SLCO3A1: variants seen among roughly 807,000 people sequenced by gnomAD.
The protein encoded by SLCO3A1 is PGE1 transporter.
SLCO3A1 carries 27 observed loss-of-function variants against 63.1 expected under a neutral mutation model. That is an observed-to-expected ratio of 0.43 (90% CI 0.32 to 0.59). The LOEUF is 0.59. Among genes scored for constraint, SLCO3A1 ranks in the 20% least tolerant of loss-of-function variants. SLCO3A1 has a pLI of 0.09. For missense variants in SLCO3A1, 773 were observed against 945.8 expected (o/e 0.82, Z 2.40); for synonymous variants, 473 against 409.9 (o/e 1.15, Z -1.86).
intron 2 of SLCO3A1, among the ~76,000 whole-genome samples, chr15:91,951,390 C>G (rs979403057): frequency 6.6e-6 from 1 of 152,136 alleles, no homozygotes. Flanking sequence ...ATTGGTAGTA[C>G]TGCATTCCTT....
intron 3 of SLCO3A1, among the ~76,000 whole-genome samples, chr15:92,103,848 G>A (rs2047634937): frequency 6.6e-6 from 1 of 152,136 alleles, no homozygotes; most frequent in Non-Finnish European, 1.5e-5. Context: ...AATTGAGGCA[G>A]TGAGTGGGGC....
chr15:91,991,321 A>G (rs2046123836), intron 2 of SLCO3A1, among the ~76,000 whole-genome samples: 2 of 152,324 alleles, frequency 1.3e-5, no homozygotes, highest in African/African-American at 4.8e-5. Flanking sequence ...TGATGGCACT[A>G]CTGCACTCTA....
At position 92,007,227 on chromosome 15, in the gene SLCO3A1, A is replaced by C. The variant is rs138991744; in HGVS notation, c.647-87654A>C. 9.5e-4 allele frequency among the ~76,000 whole-genome samples: 145 copies of C among 152,364 alleles called. 1 individual carries two copies. Among genetic ancestry groups the C allele is most frequent in the African/African-American group, 3.3e-3 (137 of 41,588 alleles). On this transcript the variant is annotated intron_variant, in intron 2 of 9. Transcript: ENST00000318445. ...ATAAGGAAGAGAGATTGTTCTCTTA[A>C]CACCTGTCTAGTTAATGTGGAACTT...
At chr15:92,078,154 A>G (rs1163510365) in intron 2 of SLCO3A1, among the ~76,000 whole-genome samples, 2 of 152,318 alleles carry the variant, frequency 1.3e-5, no homozygotes, top group South Asian at 2.1e-4. Context: ...GTGGAGCAGC[A>G]GAAACCGAGT....
chr15:91,898,499 T>C (rs1462966262), intron 1 of SLCO3A1, among the ~76,000 whole-genome samples: 1 of 152,228 alleles, frequency 6.6e-6, no homozygotes, highest in East Asian at 1.9e-4. Flanking sequence ...TCCAGAGCAA[T>C]TTGAGTCTCT....
intron 4 of SLCO3A1, among the ~76,000 whole-genome samples, chr15:92,109,286 T>C (rs895993598): frequency 6.6e-6 from 1 of 152,142 alleles, no homozygotes; most frequent in African/African-American, 2.4e-5. Context: ...ACCATGGCAT[T>C]ATGCTGCCAC....
chr15:91,931,641 T>C (rs1567191959), intron 2 of SLCO3A1, among the ~76,000 whole-genome samples: 1 of 152,046 alleles, frequency 6.6e-6, no homozygotes, highest in Non-Finnish European at 1.5e-5. Flanking sequence ...GGGCTAATTT[T>C]TGTATTTTTG....
intron 2 of SLCO3A1, among the ~76,000 whole-genome samples, chr15:92,035,057 C>T (rs1435262715): frequency 6.6e-6 from 1 of 151,822 alleles, no homozygotes; most frequent in Non-Finnish European, 1.5e-5. Flanking sequence ...GATGGAGAAT[C>T]CAGGACAATG....
intron 2 of SLCO3A1, among the ~76,000 whole-genome samples, chr15:92,053,800 A>G (rs1183764726): frequency 6.6e-6 from 1 of 151,814 alleles, no homozygotes; most frequent in Non-Finnish European, 1.5e-5. Context: ...TCAAGGGCAC[A>G]TACAATCAGT....
At chr15:92,036,974 T>G (rs1332165270) in intron 2 of SLCO3A1, among the ~76,000 whole-genome samples, 1 of 152,192 alleles carries the variant, frequency 6.6e-6, no homozygotes, top group Admixed American at 6.5e-5. Flanking sequence ...TTCATTATTT[T>G]CATAAATAAT....
At chr15:91,929,851 G>A (rs1425619130) in intron 2 of SLCO3A1, among the ~76,000 whole-genome samples, 1 of 152,086 alleles carries the variant, frequency 6.6e-6, no homozygotes, top group Admixed American at 6.5e-5. Flanking sequence ...CATCCATGTT[G>A]CAGCATTGGG....
chr15:91,916,330 C>T lies in SLCO3A1; in HGVS notation c.518C>T (p.Thr173Ile), dbSNP rs1393895006. Residue 173 changes from threonine (T) to isoleucine (I), a missense_variant, in exon 2 of 10, where the codon ACC becomes ATC. Around this residue, in one of 3 missense-constraint regions of SLCO3A1, gnomAD observed 565 missense variants for 749.8 expected, o/e 0.75. Coordinates refer to ENST00000318445, the MANE Select transcript of SLCO3A1 (RefSeq NM_013272.4). The surrounding 1 kb of genome is among the most constrained non-coding windows in gnomAD (Gnocchi z 6.2). ...PDLICRNRTA[T>I]NMMYLLLIGA... ...CTCATCTGCCGCAACCGGACGGCTA[C>T]CAACATGATGTACTTGCTGCTCATT... 5.6e-6 allele frequency: 9 copies of T among 1,604,306 alleles called. No homozygotes were observed. The highest frequency in any genetic ancestry group is 2.7e-5 in the African/African-American group (2 of 74,840).
intron 2 of SLCO3A1, among the ~76,000 whole-genome samples, chr15:92,013,658 C>T (rs2046394465): frequency 6.6e-6 from 1 of 152,216 alleles, no homozygotes; most frequent in Admixed American, 6.5e-5. Context: ...CACAATCAAA[C>T]ATTCTTTCTT....
chr15:91,919,838 A>G (rs1898784758), intron 2 of SLCO3A1, among the ~76,000 whole-genome samples: 2 of 152,068 alleles, frequency 1.3e-5, no homozygotes, highest in African/African-American at 4.8e-5. Context: ...AAAAAGCATT[A>G]CATGTTCACC....
At chr15:91,893,391 T>G (rs928054578) in intron 1 of SLCO3A1, among the ~76,000 whole-genome samples, 16 of 152,172 alleles carry the variant, frequency 1.1e-4, no homozygotes, top group African/African-American at 3.9e-4. Flanking sequence ...CTCATAGTTA[T>G]GAAGGCTGGA....
intron 2 of SLCO3A1, among the ~76,000 whole-genome samples, chr15:92,041,829 A>T (rs1729065889): frequency 6.6e-6 from 1 of 152,122 alleles, no homozygotes; most frequent in African/African-American, 2.4e-5. Flanking sequence ...GTGTAATGAC[A>T]TTTAAATATT....
At chr15:92,168,758 G>T (rs2048506587), downstream of SLCO3A1, among the ~76,000 whole-genome samples, 2 of 152,190 alleles carry the variant, frequency 1.3e-5, no homozygotes, top group African/African-American at 2.4e-5. Flanking sequence ...AATAAAGTAA[G>T]TACCCCTTTG....
chr15:91,856,096 C>T lies in SLCO3A1; in HGVS notation c.180+2008C>T, dbSNP rs138841316. Among the ~76,000 whole-genome samples the T allele has an allele frequency of 3.9e-3, 591 of 151,880 alleles. 5 individuals are homozygous for T. The highest frequency in any genetic ancestry group is 0.012 in the African/African-American group (476 of 41,376). On this transcript the variant is annotated intron_variant, in intron 1 of 9. Transcript: ENST00000318445. This position sits in a 1 kb window ranked among gnomAD's most constrained non-coding sequence, Gnocchi z 4.9. Reference sequence around the variant, plus strand: ...TGGACTTCTGGAGGCAGGGCTGGCCCCAGGAGATAGGAGGTTGACTTTAAT... The same window carrying T: ...TGGACTTCTGGAGGCAGGGCTGGCCTCAGGAGATAGGAGGTTGACTTTAAT...
rs568257159 is a variant in SLCO3A1 at position 91,974,082 on chromosome 15, A to G, written c.646+57624A>G. Among the ~76,000 whole-genome samples the G allele has an allele frequency of 3.3e-5, 5 of 152,072 alleles. No homozygotes were observed. In the East Asian group the frequency reaches 9.7e-4, roughly 30 times the overall value. ...GGCAAGAGAGAGTGTCCCTGGACCT[A>G]AGAAACCAGGCTGTGGACCCAAAGC... On this transcript the variant is annotated intron_variant, in intron 2 of 9. Coordinates refer to ENST00000318445, the MANE Select transcript of SLCO3A1 (RefSeq NM_013272.4).
Sources: gnomAD v4.1 joint callset for allele counts (sites outside exome capture counted in the v4.1 genomes callset) on GRCh38, gnomAD v4.1.1 for gene constraint, gnomAD v4.1.1 regional missense constraint, Gnocchi (gnomAD v3.1) non-coding constraint, MANE v1.5 for transcripts, NCBI Gene and HGNC (gene_info 2026-07-23, HGNC 2026-07-21) for gene names.